The following KIAA1671 variants were observed in gnomAD, a reference collection of about 807,000 sequenced individuals.
KIAA1671 encodes uncharacterized protein KIAA1671.
In KIAA1671, 52 loss-of-function variants were observed where a neutral mutation model predicts 131.2. The observed-to-expected ratio is 0.40, with a 90% CI of 0.32 to 0.50. The LOEUF (loss-of-function observed/expected upper bound fraction) is 0.50, where lower values mean the gene tolerates loss of function less well. Among genes scored for constraint, KIAA1671 ranks in the 20% least tolerant of loss-of-function variants. The pLI is 0.73. For missense variants in KIAA1671, 2,360 were observed against 2,364.2 expected (o/e 1.00, Z 0.04); for synonymous variants, 1,003 against 961.6 (o/e 1.04, Z -0.80).
At chr22:25,179,580 C>G (rs1422832850) in intron 9 of KIAA1671, 46 of 1,449,260 alleles carry the variant, frequency 3.2e-5, no homozygotes, top group Admixed American at 4.3e-5. Context: ...GAGCCGCTTC[C>G]CCTGCCCAAT....
intron 1 of KIAA1671, among the ~76,000 whole-genome samples, chr22:25,001,197 GTGTATGTGTA>G (rs926938251): frequency 5.8e-5 from 6 of 103,944 alleles, no homozygotes; most frequent in South Asian, 3.3e-4. Flanking sequence ...GTATATATGT[GTGTATGTGTA>G]TGTATGTGTA....
At chr22:25,163,763 C>T (rs146058312) in intron 6 of KIAA1671, among the ~76,000 whole-genome samples, 11 of 152,162 alleles carry the variant, frequency 7.2e-5, no homozygotes, top group African/African-American at 2.6e-4. Context: ...TTATCCATTG[C>T]ATGGATATTG....
chr22:25,164,539 T>C (rs1933571898), intron 6 of KIAA1671, among the ~76,000 whole-genome samples: 3 of 152,360 alleles, frequency 2.0e-5, no homozygotes, highest in South Asian at 4.1e-4. Context: ...TCAGAGTATC[T>C]TGTATATTAT....
intron 6 of KIAA1671, among the ~76,000 whole-genome samples, chr22:25,169,846 C>T (rs1933781456): frequency 1.3e-5 from 2 of 152,168 alleles, no homozygotes; most frequent in Admixed American, 6.5e-5. Flanking sequence ...TTGCCTGAAG[C>T]GCAGTGGTTT....
At chr22:25,188,086 A>T (rs1006042276) in intron 11 of KIAA1671, among the ~76,000 whole-genome samples, 1 of 152,124 alleles carries the variant, frequency 6.6e-6, no homozygotes, top group Non-Finnish European at 1.5e-5. Context: ...GGATCACAAG[A>T]TCAGGAGATC....
At chr22:25,176,461 C>T (rs557978904) in intron 8 of KIAA1671, 4 of 152,240 alleles carry the variant, frequency 2.6e-5, no homozygotes, top group Non-Finnish European at 5.9e-5. Flanking sequence ...CGTGGTCAGG[C>T]TCTGTCTGAA....
At chr22:25,093,720 CA>C (rs1930144463) in intron 6 of KIAA1671, among the ~76,000 whole-genome samples, 7 of 127,436 alleles carry the variant, frequency 5.5e-5, no homozygotes, top group African/African-American at 8.2e-5. Flanking sequence ...CACACACACA[CA>C]CACACACACA....
At chr22:25,046,941 T>A (rs1927268516) in intron 5 of KIAA1671, among the ~76,000 whole-genome samples, 1 of 151,114 alleles carries the variant, frequency 6.6e-6, no homozygotes, top group African/African-American at 2.4e-5. Flanking sequence ...ATTTTCCACC[T>A]TTCTGTTTTT....
At chr22:24,978,627 A>C (rs1923037536) in intron 1 of KIAA1671, among the ~76,000 whole-genome samples, 1 of 151,780 alleles carries the variant, frequency 6.6e-6, no homozygotes, top group Admixed American at 6.6e-5. Flanking sequence ...TGTTTTAAAA[A>C]CCCCACTTTT....
At chr22:25,161,776 C>T (rs1933451734) in intron 6 of KIAA1671, among the ~76,000 whole-genome samples, 1 of 152,132 alleles carries the variant, frequency 6.6e-6, no homozygotes, top group Non-Finnish European at 1.5e-5. Flanking sequence ...TTTTCCTGGG[C>T]CCAACTGAGA....
chr22:25,042,412 C>T (rs1926981907), intron 5 of KIAA1671, among the ~76,000 whole-genome samples: 3 of 150,724 alleles, frequency 2.0e-5, no homozygotes, highest in South Asian at 4.2e-4. Flanking sequence ...AGTGATCTTA[C>T]GTGAGCCTCA....
chr22:25,164,930 A>G (rs1933586529), intron 6 of KIAA1671, among the ~76,000 whole-genome samples: 1 of 141,296 alleles, frequency 7.1e-6, no homozygotes, highest in Admixed American at 7.2e-5. Flanking sequence ...CCTGGGCAAC[A>G]GAGTGAGACT....
chr22:25,181,949 G>GCA, intron 10 of KIAA1671, 126 bp downstream of exon 10: 1 of 999,220 alleles, frequency 1.0e-6, no homozygotes. Flanking sequence ...AGGCCGAGTT[G>GCA]GGCGGATCAC....
chr22:25,043,394 CAG>C (rs1399621083), intron 5 of KIAA1671, among the ~76,000 whole-genome samples: 1 of 152,142 alleles, frequency 6.6e-6, no homozygotes, highest in African/African-American at 2.4e-5. Context: ...GGGAAAAAAA[CAG>C]AGGCTCAGAG....
intron 6 of KIAA1671, among the ~76,000 whole-genome samples, chr22:25,151,020 G>C (rs1933020102): frequency 6.6e-6 from 1 of 151,896 alleles, no homozygotes; most frequent in Admixed American, 6.6e-5. Flanking sequence ...ATTTTTAGTA[G>C]AGACGGGGTT....
intron 1 of KIAA1671, among the ~76,000 whole-genome samples, chr22:24,984,748 C>T (rs1391043764): frequency 1.3e-5 from 2 of 151,760 alleles, no homozygotes; most frequent in South Asian, 4.2e-4. Flanking sequence ...CCCATCTCTA[C>T]TAAAAATGCA....
At chr22:25,056,318 C>G (rs1218797669) in intron 6 of KIAA1671, 2 of 148,888 alleles carry the variant, frequency 1.3e-5, no homozygotes, top group Admixed American at 6.7e-5. Flanking sequence ...TGACGCCCAA[C>G]TTTTTCTTTT....
intron 1 of KIAA1671, among the ~76,000 whole-genome samples, chr22:25,018,284 GA>G (rs78999173): frequency 0.5 from 76,163 of 151,768 alleles, 19,122 homozygotes; most frequent in Middle Eastern, 0.55. Context: ...GCTTTTAATA[GA>G]GATTCGCCTG....
chr22:24,956,226 A>AACCC (rs992398338), intron 1 of KIAA1671, among the ~76,000 whole-genome samples: 3 of 152,156 alleles, frequency 2.0e-5, no homozygotes, highest in Non-Finnish European at 4.4e-5. Context: ...GGGGTAAGGA[A>AACCC]ACCCCTCAGA....
Sources: gnomAD v4.1 joint callset for allele counts (sites outside exome capture counted in the v4.1 genomes callset) on GRCh38, gnomAD v4.1.1 for gene constraint, MANE v1.5 for transcripts, NCBI Gene and HGNC (gene_info 2026-07-23, HGNC 2026-07-21) for gene names.